RBM6: variants seen among roughly 807,000 people sequenced by gnomAD.
RBM6 encodes the protein RNA binding motif protein 6.
A neutral mutation model predicts 140.4 loss-of-function variants in RBM6; 23 were observed. The ratio of observed to expected loss-of-function variants is 0.16; its 90% CI spans 0.12 to 0.23. The LOEUF (loss-of-function observed/expected upper bound fraction) is 0.23. RBM6 is among the 10% of genes least tolerant of loss of function. The probability of loss-of-function intolerance (pLI) is 1.00; values close to 1 mark genes in which losing one functional copy is unlikely to be tolerated. For missense variants in RBM6, 1,139 were observed against 1,386.7 expected, an observed-to-expected ratio of 0.82 and a Z score of 2.84; for synonymous variants, 439 against 475.6, an observed-to-expected ratio of 0.92 and a Z score of 1.00.
At chr3:50,076,692 C>T (rs1407530217) in intron 20 of RBM6, among the ~76,000 whole-genome samples, 7 of 151,998 alleles carry the variant, frequency 4.6e-5, no homozygotes, top group Non-Finnish European at 7.4e-5. Context: ...TCGAGACCAG[C>T]CTGGCCAACA....
intron 5 of RBM6, among the ~76,000 whole-genome samples, chr3:49,987,112 C>T (rs2085598416): frequency 1.3e-5 from 2 of 151,682 alleles, no homozygotes; most frequent in South Asian, 2.1e-4. Flanking sequence ...TCTCTCTGTC[C>T]TCCAGGCTGG....
chr3:50,040,801 C>T (rs1559620793), intron 6 of RBM6, among the ~76,000 whole-genome samples: 2 of 151,918 alleles, frequency 1.3e-5, no homozygotes, highest in South Asian at 2.1e-4. Flanking sequence ...GGATAACAGG[C>T]GCACACTACC....
intron 3 of RBM6, among the ~76,000 whole-genome samples, chr3:49,971,084 C>T (rs949900806): frequency 4.0e-5 from 6 of 151,300 alleles, no homozygotes; most frequent in Middle Eastern, 3.4e-3. Context: ...CTGACCAACA[C>T]GGAGAAACCC....
At chr3:50,023,276 T>G (rs962329951) in intron 6 of RBM6, among the ~76,000 whole-genome samples, 3 of 152,146 alleles carry the variant, frequency 2.0e-5, no homozygotes, top group African/African-American at 7.2e-5. Flanking sequence ...TTATAAAGTC[T>G]TAGCTCCTGT....
At chr3:49,990,306 T>TA (rs1392750639) in intron 5 of RBM6, among the ~76,000 whole-genome samples, 2 of 152,158 alleles carry the variant, frequency 1.3e-5, no homozygotes, top group African/African-American at 2.4e-5. Flanking sequence ...TACAGTGTGT[T>TA]ACTGTATTGA....
At position 50,061,845 on chromosome 3, in the gene RBM6, A is replaced by T. The variant is rs560248765; in HGVS notation, c.2440-117A>T. On this transcript the variant is annotated intron_variant, in intron 14 of 20. Coordinates refer to ENST00000266022, the MANE Select transcript of RBM6 (RefSeq NM_005777.3). ...TTTTAGATTGATGTGGACTCTTCTT[A>T]GACTTGTAAGTAAAAAAGTTGTTTC... is the stretch of plus-strand genomic sequence containing the variant. 4.2e-4 allele frequency: 573 copies of T among 1,367,436 alleles called. 5 individuals carry two copies. The highest frequency in any genetic ancestry group is 4.9e-6 in the Non-Finnish European group (5 of 1,016,984). 84.7% of individuals were successfully genotyped at this position (1,367,436 alleles called of 1,614,324 possible). A position where few individuals can be genotyped will look rare whatever the true frequency, so the allele number is the denominator to read the frequency against.
rs1395217984 is a variant in RBM6 at position 50,025,410 on chromosome 3, G to A, written c.1558-22835G>A. On this transcript the variant is annotated intron_variant, in intron 6 of 20. Coordinates refer to ENST00000266022, the MANE Select transcript of RBM6 (RefSeq NM_005777.3). ...TGCACTCCAGCCTGGGTGACAGAGC[G>A]AGACTCTATCTCAAAAAAGAAAACA... Among the ~76,000 whole-genome samples, 7 of 151,286 alleles carry A rather than the reference G, an allele frequency of 4.6e-5. No homozygotes were observed. The East Asian group carries it at 9.9e-4, about 21-fold the overall frequency.
At position 49,967,368 on chromosome 3, in the gene RBM6, A is replaced by C; in HGVS notation, c.45-102A>C. 4.0e-6 allele frequency: 6 copies of C among 1,506,774 alleles called. No homozygotes were observed. Among genetic ancestry groups the C allele is most frequent in the Non-Finnish European group, 5.3e-6 (6 of 1,130,320 alleles). 93.3% of individuals were successfully genotyped at this position (1,506,774 alleles called of 1,614,324 possible). On this transcript the variant is annotated intron_variant, in intron 2 of 20. Coordinates refer to ENST00000266022, the MANE Select transcript of RBM6 (RefSeq NM_005777.3). This position sits in a 1 kb window ranked among gnomAD's most constrained non-coding sequence, Gnocchi z 4.0. ...TTGTTACAGAACTCTGCCAAAAAAA[A>C]AATGTTTACAGAAGAATGTGCTGTG...
At chr3:49,969,041 T>A (rs1347195539) in intron 3 of RBM6, among the ~76,000 whole-genome samples, 2 of 151,082 alleles carry the variant, frequency 1.3e-5, no homozygotes, top group Admixed American at 6.6e-5. Flanking sequence ...TTATTTATTT[T>A]TGAAACGGAG....
chr3:50,035,510 G>A (rs1363369290), intron 6 of RBM6, among the ~76,000 whole-genome samples: 6 of 151,794 alleles, frequency 4.0e-5, no homozygotes, highest in African/African-American at 7.3e-5. Flanking sequence ...GTGAAACCCC[G>A]TCTCTACTAA....
chr3:50,025,748 C>G (rs2087777239), intron 6 of RBM6, among the ~76,000 whole-genome samples: 1 of 151,304 alleles, frequency 6.6e-6, no homozygotes, highest in Non-Finnish European at 1.5e-5. Context: ...TTGATTGCTG[C>G]CTACATATAG....
intron 6 of RBM6, among the ~76,000 whole-genome samples, chr3:50,002,909 G>A (rs2086407060): frequency 1.3e-5 from 2 of 151,964 alleles, no homozygotes; most frequent in African/African-American, 4.8e-5. Context: ...GAGGTCAGGA[G>A]AGCAAGACCA....
At chr3:50,013,479 G>A (rs912492497) in intron 6 of RBM6, among the ~76,000 whole-genome samples, 1 of 152,104 alleles carries the variant, frequency 6.6e-6, no homozygotes, top group Non-Finnish European at 1.5e-5. Context: ...GACCATCCTG[G>A]CCTCGTGGTG....
intron 8 of RBM6, among the ~76,000 whole-genome samples, chr3:50,055,454 G>A (rs1197728624): frequency 6.6e-6 from 1 of 152,150 alleles, no homozygotes; most frequent in African/African-American, 2.4e-5. Context: ...CCAACTTAAC[G>A]TAACCTGTTA....
intron 5 of RBM6, among the ~76,000 whole-genome samples, chr3:49,988,834 C>T (rs892174942): frequency 6.6e-6 from 1 of 151,844 alleles, no homozygotes; most frequent in Non-Finnish European, 1.5e-5. Context: ...TGGTGGCACA[C>T]GCCTGTGGTA....
chr3:50,059,543 C>A, intron 10 of RBM6, 106 bp from the exon 11 acceptor site: 1 of 882,688 alleles, frequency 1.1e-6, no homozygotes, highest in Non-Finnish European at 1.7e-6. Flanking sequence ...TAAATTTATC[C>A]TCTGAGAAGG....
intron 6 of RBM6, among the ~76,000 whole-genome samples, chr3:49,999,769 G>GAAA (rs11293132): frequency 6.9e-6 from 1 of 145,090 alleles, no homozygotes. Flanking sequence ...ACAATAGTTG[G>GAAA]AAAAAAAAAA....
Position 49,968,126 on chromosome 3 carries a change from A to G in RBM6, c.701A>G (p.Asp234Gly), listed in dbSNP as rs142672037. 97 of 1,614,128 alleles carry G rather than the reference A, an allele frequency of 6.0e-5. No individual in the cohort carries two copies. In the African/African-American group the frequency reaches 1.2e-3, roughly 20 times the overall value. ...AGAGACAAAGACGGAACACAAGTAG[A>G]CTTTAGAGGCCGAGGTTCAGGTACT... ...DFRDKDGTQV[D>G]FRGRGSGTTD... The change falls in exon 3 of 21, where the codon GAC becomes GGC. Residue 234 changes from aspartate (D) to glycine (G), a missense_variant. By Grantham distance (94) the Asp-to-Gly change is moderately conservative (BLOSUM62 -1). Around this residue, in one of 9 missense-constraint regions of RBM6, gnomAD observed 566 missense variants for 612.7 expected, o/e 0.92. Coordinates refer to ENST00000266022, the MANE Select transcript of RBM6 (RefSeq NM_005777.3).
intron 5 of RBM6, among the ~76,000 whole-genome samples, chr3:49,984,275 C>T (rs2085443473): frequency 6.6e-6 from 1 of 151,760 alleles, no homozygotes. Flanking sequence ...TGCACTCCAG[C>T]ATGGGCAACA....
Sources: allele counts gnomAD v4.1 joint callset (sites outside exome capture counted in the v4.1 genomes callset), GRCh38; gene constraint gnomAD v4.1.1; regional missense constraint gnomAD v4.1.1; non-coding constraint Gnocchi (gnomAD v3.1); transcripts MANE v1.5; gene names NCBI Gene and HGNC (gene_info 2026-07-23, HGNC 2026-07-21).